ACOX2: variants seen among roughly 807,000 people sequenced by gnomAD.
ACOX2 encodes the protein peroxisomal acyl-coenzyme A oxidase 2.
ACOX2 carries 59 observed loss-of-function variants against 77.5 expected under a neutral mutation model. The ratio of observed to expected loss-of-function variants is 0.76; its 90% CI spans 0.62 to 0.95. The LOEUF (loss-of-function observed/expected upper bound fraction) is 0.95, where lower values mean the gene tolerates loss of function less well. ACOX2 is among the 40% of genes least tolerant of loss of function. ACOX2 has a pLI of 0.00. For synonymous variants in ACOX2, 317 were observed against 340.1 expected (o/e 0.93, Z 0.75); for missense variants, 837 against 880.4 (o/e 0.95, Z 0.62).
At position 58,505,990 on chromosome 3, in the gene ACOX2, C is replaced by G. The variant is rs1446715835; in HGVS notation, c.1984-704G>C. Reference sequence around the variant, plus strand: ...ATTTTTAATAGAGACGGAGTTTTGCCATGTTGGCCAGGTTGGTCTCAAACT... The same window carrying G: ...ATTTTTAATAGAGACGGAGTTTTGCGATGTTGGCCAGGTTGGTCTCAAACT... On this transcript the variant is annotated intron_variant, in intron 14 of 14. Coordinates refer to ENST00000302819, the MANE Select transcript of ACOX2 (RefSeq NM_003500.4). This position sits in a 1 kb window ranked among gnomAD's most constrained non-coding sequence, Gnocchi z 4.4. 1.3e-5 allele frequency among the ~76,000 whole-genome samples: 2 copies of G among 152,254 alleles called. No individual in the cohort carries two copies. The highest frequency in any genetic ancestry group is 3.9e-4 in the East Asian group (2 of 5,184).
rs2063358341 is a variant in ACOX2, at chr3:58,521,531, C to T, written c.1632+965G>A. ...TACCCACTTGTCTCCAGGCCTTCTG[C>T]CATGCTCATGGTCAGGACCACCCTC... On this transcript the variant is annotated intron_variant, in intron 12 of 14. Transcript: ENST00000302819. The surrounding 1 kb of genome is among the most constrained non-coding windows in gnomAD (Gnocchi z 4.8). 6.6e-6 allele frequency among the ~76,000 whole-genome samples: 1 copy of T among 152,212 alleles called. No individual in the cohort carries two copies. Among genetic ancestry groups the T allele is most frequent in the Non-Finnish European group, 1.5e-5 (1 of 68,034 alleles).
In ACOX2 at chr3:58,505,384, T is replaced by G; in HGVS notation, c.1984-98A>C. On this transcript the variant is annotated intron_variant, in intron 14 of 14. Coordinates refer to ENST00000302819, the MANE Select transcript of ACOX2 (RefSeq NM_003500.4). This position sits in a 1 kb window ranked among gnomAD's most constrained non-coding sequence, Gnocchi z 4.4. ...AAGTCTCTAGCTTCAAAAAGTAACA[T>G]TACGTAAGATTCTTAATTTTAAAAA... 1 of 929,434 alleles carries G rather than the reference T, an allele frequency of 1.1e-6. No homozygotes were observed. Among genetic ancestry groups the G allele is most frequent in the Non-Finnish European group, 1.6e-6 (1 of 626,234 alleles). 57.6% of individuals were successfully genotyped at this position (929,434 alleles called of 1,614,324 possible).
In ACOX2 at chr3:58,521,847, C is replaced by T. The variant is rs1173512875; in HGVS notation, c.1632+649G>A. On this transcript the variant is annotated intron_variant, in intron 12 of 14. Coordinates refer to ENST00000302819, the MANE Select transcript of ACOX2 (RefSeq NM_003500.4). This position sits in a 1 kb window ranked among gnomAD's most constrained non-coding sequence, Gnocchi z 4.8. Reference sequence around the variant, plus strand: ...ATCCTTCTTGCTGCTTCCTTTTGCACGCGCAGCTCCCTTTGCCTGGAAACT... The same window carrying T: ...ATCCTTCTTGCTGCTTCCTTTTGCATGCGCAGCTCCCTTTGCCTGGAAACT... Among the ~76,000 whole-genome samples, 4 of 152,194 alleles carry T rather than the reference C, an allele frequency of 2.6e-5. No individual in the cohort carries two copies. The highest frequency in any genetic ancestry group is 5.9e-5 in the Non-Finnish European group (4 of 68,032).
Position 58,522,672 on chromosome 3 carries a change from T to A in ACOX2, c.1527-71A>T. On this transcript the variant is annotated intron_variant, in intron 11 of 14. Transcript: ENST00000302819. This position sits in a 1 kb window ranked among gnomAD's most constrained non-coding sequence, Gnocchi z 4.3. ...AAGACAACTGATGGGCTTCCTGTGGTCCCTCAGAAGTAGAAATAATGCCTG... is the reference window on the plus strand; with the variant it reads ...AAGACAACTGATGGGCTTCCTGTGGACCCTCAGAAGTAGAAATAATGCCTG... The A allele has an allele frequency of 1.5e-6, 2 of 1,362,518 alleles. No homozygotes were observed. Among genetic ancestry groups the A allele is most frequent in the Non-Finnish European group, 2.1e-6 (2 of 952,444 alleles). The allele number at this position is 1,362,518 out of a possible 1,614,324, so 84.4% of individuals were successfully genotyped here.
Position 58,529,018 on chromosome 3 carries a change from C to T in ACOX2, c.993-62G>A, listed in dbSNP as rs141942559. The T allele has an allele frequency of 6.1e-4, 908 of 1,476,766 alleles. 5 individuals carry two copies. In the African/African-American group the frequency reaches 0.011, roughly 17 times the overall value. 91.5% of individuals were successfully genotyped at this position (1,476,766 alleles called of 1,614,324 possible). A position where few individuals can be genotyped will look rare whatever the true frequency, so the allele number is the denominator to read the frequency against. On this transcript the variant is annotated intron_variant, in intron 8 of 14. Transcript: ENST00000302819. ...CTGTTGTGTCCACCTTCCCCTATCC[C>T]CGACACCATAAAAACCTTAAAAACA... is the stretch of plus-strand genomic sequence containing the variant.
intron 13 of ACOX2, among the ~76,000 whole-genome samples, chr3:58,510,663 AATATATATATATATAT>A (rs1364040351): frequency 1.0e-3 from 15 of 14,358 alleles, no homozygotes; most frequent in African/African-American, 2.7e-3. Context: ...AAAAAAAAAA[AATATATATATATATAT>A]ATATATATAT....
At position 58,505,136 on chromosome 3, in the gene ACOX2, T is replaced by G; in HGVS notation, c.*88A>C. The G allele has an allele frequency of 9.2e-7, 1 of 1,088,248 alleles. No homozygotes were observed. Among genetic ancestry groups the G allele is most frequent in the Admixed American group, 2.2e-5 (1 of 46,036 alleles). The allele number at this position is 1,088,248 out of a possible 1,614,324, so 67.4% of individuals were successfully genotyped here. On this transcript the variant is annotated 3_prime_UTR_variant, in exon 15 of 15. Transcript: ENST00000302819. This position sits in a 1 kb window ranked among gnomAD's most constrained non-coding sequence, Gnocchi z 4.4. ...AGATAATGACTCTAAAACATAAATA[T>G]CTAATTTAAAATTTTAATGTTGCAT...
intron 8 of ACOX2, 184 bp from the exon 9 acceptor site, chr3:58,529,140 C>T (rs1393592948): frequency 3.7e-6 from 2 of 535,620 alleles, no homozygotes; most frequent in Non-Finnish European, 6.2e-6. Context: ...ACACATTTCA[C>T]TGCAGGAATA....
Position 58,528,994 on chromosome 3 carries a change from T to C in ACOX2, c.993-38A>G. On this transcript the variant is annotated intron_variant, in intron 8 of 14. Transcript: ENST00000302819. The surrounding 1 kb of genome is among the most constrained non-coding windows in gnomAD (Gnocchi z 5.6). ...GAACCAGAAGATTTAGATCACTACC[T>C]GTTGTGTCCACCTTCCCCTATCCCC... 1 of 1,547,106 alleles carries C rather than the reference T, an allele frequency of 6.5e-7. No homozygotes were observed. The highest frequency in any genetic ancestry group is 8.7e-7 in the Non-Finnish European group (1 of 1,144,310).
At chr3:58,517,064 T>A (rs1346816875) in intron 13 of ACOX2, 142 bp downstream of exon 13, 3 of 752,164 alleles carry the variant, frequency 4.0e-6, no homozygotes, top group African/African-American at 1.8e-5. Flanking sequence ...TTTATGCTGG[T>A]GTAATGATAA....
intron 1 of ACOX2, among the ~76,000 whole-genome samples, chr3:58,536,107 A>G (rs993527283): frequency 6.6e-6 from 1 of 151,214 alleles, no homozygotes; most frequent in African/African-American, 2.4e-5. Flanking sequence ...ACCCTACTCC[A>G]CTCACCTCTC....
Position 58,534,439 on chromosome 3 carries a change from GC to G in ACOX2, c.243del (p.Met81IlefsTer9). The G allele has an allele frequency of 6.2e-7, 1 of 1,614,142 alleles. No homozygotes were observed. The highest frequency in any genetic ancestry group is 1.1e-5 in the South Asian group (1 of 91,076). Reference protein sequence around the residue: ...MTQNERYKAAMRRAFHIRLIA... With the variant: ...MTQNERYKAAXRRAFHIRLIA... ...ATCAACCGGATGTGGAATGCCCTCC[GC>G]ATGGCAGCCTTATAACGCTCATTCT... On this transcript the variant is annotated frameshift_variant, in exon 3 of 15. Coordinates refer to ENST00000302819, the MANE Select transcript of ACOX2 (RefSeq NM_003500.4). LOFTEE classifies it high-confidence loss of function. The surrounding 1 kb of genome is among the most constrained non-coding windows in gnomAD (Gnocchi z 4.8).
rs2063468297 is a variant in ACOX2 at position 58,534,722 on chromosome 3, C to A, written c.161-200G>T. On this transcript the variant is annotated intron_variant, in intron 2 of 14. Transcript: ENST00000302819. The surrounding 1 kb of genome is among the most constrained non-coding windows in gnomAD (Gnocchi z 4.8). ...CTATGCAGTGGCAGAATTTTAGGAC[C>A]AGAATCCAGGTCTTCTGCTGCCTAG... is the stretch of plus-strand genomic sequence containing the variant. The A allele has an allele frequency of 1.1e-5, 16 of 1,394,258 alleles. No homozygotes were observed. Among genetic ancestry groups the A allele is most frequent in the Non-Finnish European group, 1.6e-5 (16 of 1,014,412 alleles). The allele number at this position is 1,394,258 out of a possible 1,614,324, so 86.4% of individuals were successfully genotyped here. A position where few individuals can be genotyped will look rare whatever the true frequency, so the allele number is the denominator to read the frequency against.
rs559395793 is a variant in ACOX2 at position 58,515,974 on chromosome 3, C to CT, written c.1850+1231dup. ...GTGGGGTTTTGCCATGTTGCCCAGG[C>CT]TTTTTTTTTTCTTTATTGTTTTTAT... On this transcript the variant is annotated intron_variant, in intron 13 of 14. Coordinates refer to ENST00000302819, the MANE Select transcript of ACOX2 (RefSeq NM_003500.4). This position sits in a 1 kb window ranked among gnomAD's most constrained non-coding sequence, Gnocchi z 4.0. Among the ~76,000 whole-genome samples the CT allele has an allele frequency of 1.9e-3, 238 of 122,510 alleles. 6 individuals carry two copies. The East Asian group carries it at 0.051, about 26-fold the overall frequency. 80.4% of individuals were successfully genotyped at this position (122,510 alleles called of 152,430 possible).
Position 58,521,260 on chromosome 3 carries a change from G to A in ACOX2, c.1632+1236C>T, listed in dbSNP as rs922088880. Among the ~76,000 whole-genome samples, 2 of 152,168 alleles carry A rather than the reference G, an allele frequency of 1.3e-5. No homozygotes were observed. The highest frequency in any genetic ancestry group is 2.4e-5 in the African/African-American group (1 of 41,446). On this transcript the variant is annotated intron_variant, in intron 12 of 14. Transcript: ENST00000302819. The surrounding 1 kb of genome is among the most constrained non-coding windows in gnomAD (Gnocchi z 4.8). The stretch of plus-strand genomic sequence containing the variant: ...GGTGGGTCACGTGGTGGTGCTCAAC[G>A]TCCAGCCTGCCTGACCAGCCCTGTC...
Position 58,531,669 on chromosome 3 carries a change from C to T in ACOX2, c.703+24G>A. 6.2e-7 allele frequency: 1 copy of T among 1,611,734 alleles called. No individual in the cohort carries two copies. Among genetic ancestry groups the T allele is most frequent in the East Asian group, 2.2e-5 (1 of 44,854 alleles). On this transcript the variant is annotated intron_variant, in intron 6 of 14. Transcript: ENST00000302819. The surrounding 1 kb of genome is among the most constrained non-coding windows in gnomAD (Gnocchi z 5.8). ...CTGGGCTCTCCTCCTGGCAGGGTTC[C>T]TTGAGGGAGCATTATGGGCTTACCT...
At position 58,526,654 on chromosome 3, in the gene ACOX2, G is replaced by C. The variant is rs781590589; in HGVS notation, c.1158C>G (p.Leu386=). ...LNQDFSFLPE[L]HALSTGMKAM... is the part of the protein sequence containing the mutation. ...CCTTCATGCCCGTGCTCAGTGCGTG[G>C]AGCTGTGAGAACATGGAGGGGGGTT... The change falls in exon 10 of 15, where the codon CTC becomes CTG. Residue 386 remains leucine (L), a splice_region_variant and synonymous_variant. Coordinates refer to ENST00000302819, the MANE Select transcript of ACOX2 (RefSeq NM_003500.4). This position sits in a 1 kb window ranked among gnomAD's most constrained non-coding sequence, Gnocchi z 4.3. 33 of 1,613,246 alleles carry C rather than the reference G, an allele frequency of 2.0e-5. No individual in the cohort carries two copies. The highest frequency in any genetic ancestry group is 3.3e-5 in the Admixed American group (2 of 59,976).
chr3:58,517,467 A>G, intron 12 of ACOX2, 44 bp from the exon 13 acceptor site: 1 of 1,581,456 alleles, frequency 6.3e-7, no homozygotes, highest in Non-Finnish European at 8.7e-7. Flanking sequence ...CTGGTTTTCT[A>G]CTCCAGAAGT....
chr3:58,512,086 G>A lies in ACOX2; in HGVS notation c.1851-3061C>T, dbSNP rs1219254029. Among the ~76,000 whole-genome samples the A allele has an allele frequency of 2.0e-5, 3 of 152,134 alleles. No individual in the cohort carries two copies. Among genetic ancestry groups the A allele is most frequent in the African/African-American group, 7.2e-5 (3 of 41,424 alleles). On this transcript the variant is annotated intron_variant, in intron 13 of 14. Coordinates refer to ENST00000302819, the MANE Select transcript of ACOX2 (RefSeq NM_003500.4). This position sits in a 1 kb window ranked among gnomAD's most constrained non-coding sequence, Gnocchi z 4.8. The stretch of plus-strand genomic sequence containing the variant: ...CCCCTGCTTACCAACATCTGTACTT[G>A]GATTTCTGATAGGCTCTTCAAAAGT...
Sources: gnomAD v4.1 joint callset for allele counts (sites outside exome capture counted in the v4.1 genomes callset) on GRCh38, gnomAD v4.1.1 for gene constraint, Gnocchi (gnomAD v3.1) non-coding constraint, MANE v1.5 for transcripts, NCBI Gene and HGNC (gene_info 2026-07-23, HGNC 2026-07-21) for gene names.